The following DNAH5 variants were observed in gnomAD, a reference collection of about 807,000 sequenced individuals.
DNAH5 encodes the protein dynein axonemal heavy chain 5.
A neutral mutation model predicts 518.2 loss-of-function variants in DNAH5; 372 were observed. The observed-to-expected ratio is 0.72, with a 90% CI of 0.66 to 0.78. The LOEUF is 0.78. Ranked by LOEUF, DNAH5 falls within the 30% of genes least tolerant of loss-of-function variation. The probability of loss-of-function intolerance (pLI) is 0.00; values close to 1 mark genes in which losing one functional copy is unlikely to be tolerated. For synonymous variants in DNAH5, 2,039 were observed against 2,025.9 expected (o/e 1.01, Z -0.17); for missense variants, 5,523 against 5,687.0 (o/e 0.97, Z 0.93).
chr5:13,700,583 GATA>G, intron 78 of DNAH5, 54 bp downstream of exon 78: 1 of 1,472,660 alleles, frequency 6.8e-7, no homozygotes, highest in Non-Finnish European at 9.5e-7. Context: ...ATCCTGTGTT[GATA>G]ATGTCATCCA....
chr5:14,009,642 G>A (rs73047596), intron 1 of DNAH5, among the ~76,000 whole-genome samples: 2,211 of 152,290 alleles, frequency 0.015, 58 homozygotes, highest in African/African-American at 0.051. Flanking sequence ...ATGCAGTACA[G>A]GAAACAGAGG....
At chr5:13,743,239 G>A (rs930051601) in intron 65 of DNAH5, among the ~76,000 whole-genome samples, 3 of 152,032 alleles carry the variant, frequency 2.0e-5, no homozygotes, top group Non-Finnish European at 4.4e-5. Context: ...GTAAAGATTT[G>A]TGCTAAGTGT....
At chr5:13,868,486 A>G (rs1157876138) in intron 24 of DNAH5, among the ~76,000 whole-genome samples, 1 of 152,226 alleles carries the variant, frequency 6.6e-6, no homozygotes, top group Non-Finnish European at 1.5e-5. Context: ...GCCTGGGCCA[A>G]GTCATTCCCT....
At chr5:13,789,354 G>A (rs1319521068) in intron 50 of DNAH5, among the ~76,000 whole-genome samples, 4 of 152,042 alleles carry the variant, frequency 2.6e-5, no homozygotes, top group African/African-American at 9.7e-5. Flanking sequence ...AAAATTTGTG[G>A]CAAAAACTGG....
At chr5:13,861,575 T>C (rs1374198865) in intron 29 of DNAH5, among the ~76,000 whole-genome samples, 2 of 152,080 alleles carry the variant, frequency 1.3e-5, no homozygotes, top group African/African-American at 4.8e-5. Flanking sequence ...ATGGAAGCAA[T>C]GAAACAAGGA....
intron 1 of DNAH5, among the ~76,000 whole-genome samples, chr5:13,994,418 G>A (rs963446560): frequency 2.6e-5 from 4 of 152,120 alleles, no homozygotes; most frequent in Admixed American, 6.5e-5. Context: ...AAGAAACATA[G>A]ACCTTAAAAA....
chr5:13,703,716 A>G (rs1176759023), intron 76 of DNAH5, among the ~76,000 whole-genome samples: 1 of 152,022 alleles, frequency 6.6e-6, no homozygotes, highest in Non-Finnish European at 1.5e-5. Flanking sequence ...AGCTCCTTTC[A>G]TATAACATTC....
At position 13,901,413 on chromosome 5, in the gene DNAH5, G is replaced by A. The variant is rs776400781; in HGVS notation, c.1891C>T (p.Arg631Cys). 46 of 1,613,948 alleles carry A rather than the reference G, an allele frequency of 2.9e-5. No homozygotes were observed. Among genetic ancestry groups the A allele is most frequent in the Admixed American group, 1.2e-4 (7 of 60,010 alleles). Residue 631 changes from arginine to cysteine, a missense_variant, in exon 14 of 79, where the codon CGC (arginine) becomes TGC (cysteine). Around this residue, in one of 3 missense-constraint regions of DNAH5, gnomAD observed 5,121 missense variants for 5,223.3 expected, o/e 0.98. Transcript: ENST00000265104. Reference protein sequence around the residue: ...PPIAGKILWARQLFHRIQQPM... With the variant: ...PPIAGKILWACQLFHRIQQPM... ...TGCTGAATCCTATGGAAGAGCTGGC[G>A]GGCCCACAAAATCTTTCCAGCGATG...
intron 3 of DNAH5, among the ~76,000 whole-genome samples, chr5:13,924,999 G>A (rs1580918425): frequency 1.3e-5 from 2 of 152,228 alleles, no homozygotes; most frequent in Non-Finnish European, 2.9e-5. Flanking sequence ...GGGATGGGGA[G>A]TGGACCAGAA....
intron 2 of DNAH5, among the ~76,000 whole-genome samples, chr5:13,929,520 TA>T (rs1476473243): frequency 6.6e-6 from 1 of 152,234 alleles, no homozygotes; most frequent in African/African-American, 2.4e-5. Context: ...ATAATGTTTT[TA>T]AAGGATAAAA....
Position 13,717,339 on chromosome 5 carries a change from G to A in DNAH5, c.12681C>T (p.His4227=). ...CCTTTTTGACATCCATGTCATCCAA[G>A]TGGTTTTGGATGAACTGCACAGTGG... ...FNATVQFIQN[H]LDDMDVKKGV... The change falls in exon 73 of 79, where the codon CAC becomes CAT. Residue 4227 remains histidine, a synonymous_variant. Transcript: ENST00000265104. 2 of 1,613,958 alleles carry A rather than the reference G, an allele frequency of 1.2e-6. No individual in the cohort carries two copies. The highest frequency in any genetic ancestry group is 1.7e-6 in the Non-Finnish European group (2 of 1,179,954).
At chr5:13,854,714 C>A (rs1767370641) in intron 30 of DNAH5, among the ~76,000 whole-genome samples, 1 of 152,034 alleles carries the variant, frequency 6.6e-6, no homozygotes, top group African/African-American at 2.4e-5. Flanking sequence ...GCAGGGGTTG[C>A]AATCCTACTC....
chr5:13,948,645 T>C (rs1212827174), upstream of DNAH5, among the ~76,000 whole-genome samples: 1 of 152,184 alleles, frequency 6.6e-6, no homozygotes, highest in Non-Finnish European at 1.5e-5. Flanking sequence ...AAATGATTGA[T>C]TAATCTCTGA....
chr5:13,944,363 A>G lies in DNAH5; in HGVS notation c.57+19T>C. On this transcript the variant is annotated intron_variant, in intron 1 of 78. Transcript: ENST00000265104. Reference sequence around the variant, plus strand: ...TAATCCAAAACACACATGCAAAGGTACAGACAACAGCACCTTACCGTTAAA... The same window carrying G: ...TAATCCAAAACACACATGCAAAGGTGCAGACAACAGCACCTTACCGTTAAA... 1.2e-6 allele frequency: 2 copies of G among 1,610,878 alleles called. No individual in the cohort carries two copies. The highest frequency in any genetic ancestry group is 1.7e-6 in the Non-Finnish European group (2 of 1,177,118).
At chr5:13,975,559 C>T (rs1782182285) in intron 1 of DNAH5, among the ~76,000 whole-genome samples, 2 of 152,122 alleles carry the variant, frequency 1.3e-5, no homozygotes, top group East Asian at 1.9e-4. Context: ...TTTAAGAGTT[C>T]TGAGGCAGGG....
At chr5:13,883,117 A>C in intron 19 of DNAH5, 23 bp from the exon 20 acceptor site, 1 of 1,611,064 alleles carries the variant, frequency 6.2e-7, no homozygotes, top group Non-Finnish European at 8.5e-7. Context: ...AAAACAAGGA[A>C]GAATTCACAT....
At chr5:14,003,530 A>G (rs1360491035) in intron 1 of DNAH5, among the ~76,000 whole-genome samples, 1 of 152,188 alleles carries the variant, frequency 6.6e-6, no homozygotes, top group Non-Finnish European at 1.5e-5. Context: ...GTCATACTCC[A>G]TTCATGACTT....
intron 1 of DNAH5, among the ~76,000 whole-genome samples, chr5:13,956,656 T>G (rs558027551): frequency 1.1e-4 from 17 of 152,356 alleles, no homozygotes; most frequent in South Asian, 6.2e-4. Context: ...GAGAAACTGC[T>G]TATCCTGCAC....
At chr5:13,710,772 T>C (rs958688544) in intron 75 of DNAH5, among the ~76,000 whole-genome samples, 32 of 152,236 alleles carry the variant, frequency 2.1e-4, no homozygotes, top group African/African-American at 6.0e-4. Context: ...CTAGAAGAGA[T>C]AGGTAAATTC....
Sources: allele counts gnomAD v4.1 joint callset (sites outside exome capture counted in the v4.1 genomes callset), GRCh38; gene constraint gnomAD v4.1.1; regional missense constraint gnomAD v4.1.1; transcripts MANE v1.5; gene names NCBI Gene and HGNC (gene_info 2026-07-23, HGNC 2026-07-21).